MYOCD: variants seen among roughly 807,000 people sequenced by gnomAD.
The protein encoded by MYOCD is myocardin.
In MYOCD, 32 loss-of-function variants were observed where a neutral mutation model predicts 96.1. That is an observed-to-expected ratio of 0.33 (90% CI 0.25 to 0.45). MYOCD has a LOEUF of 0.45. Among genes scored for constraint, MYOCD ranks in the 20% least tolerant of loss-of-function variants. The probability of loss-of-function intolerance (pLI) is 1.00; values close to 1 mark genes in which losing one functional copy is unlikely to be tolerated. For missense variants in MYOCD, 1,133 were observed against 1,200.6 expected, an observed-to-expected ratio of 0.94 and a Z score of 0.83; for synonymous variants, 469 against 469.0, an observed-to-expected ratio of 1.00 and a Z score of 0.00.
At chr17:12,746,920 G>T (rs1201900502) in intron 9 of MYOCD, among the ~76,000 whole-genome samples, 1 of 151,952 alleles carries the variant, frequency 6.6e-6, no homozygotes, top group East Asian at 1.9e-4. Context: ...GTAGAGACAG[G>T]GTTTCACCAG....
chr17:12,754,345 G>A (rs945159546), intron 10 of MYOCD, among the ~76,000 whole-genome samples: 6 of 152,230 alleles, frequency 3.9e-5, no homozygotes, highest in Admixed American at 6.5e-5. Flanking sequence ...CTCGTGATCC[G>A]CCCGCCTTGG....
intron 9 of MYOCD, among the ~76,000 whole-genome samples, chr17:12,747,405 A>G (rs1448467220): frequency 6.6e-6 from 1 of 152,144 alleles, no homozygotes. Context: ...GTGAAGGGAC[A>G]GTGGCAAGTT....
chr17:12,756,695 C>CAACAAAAAAAAA (rs2033022468), intron 11 of MYOCD, 138 bp downstream of exon 11: 1 of 134,326 alleles, frequency 7.4e-6, no homozygotes, highest in Non-Finnish European at 1.3e-5. Context: ...GACTGCATCT[C>CAACAAAAAAAAA]AAAAAAAAAA....
At chr17:12,666,836 T>C (rs981441405) in intron 1 of MYOCD, among the ~76,000 whole-genome samples, 15 of 152,302 alleles carry the variant, frequency 9.8e-5, no homozygotes, top group South Asian at 8.3e-4. Context: ...TCCCCCAAAA[T>C]TTCTGTGTTA....
At chr17:12,682,547 T>A (rs925573541) in intron 1 of MYOCD, among the ~76,000 whole-genome samples, 1 of 152,188 alleles carries the variant, frequency 6.6e-6, no homozygotes, top group African/African-American at 2.4e-5. Context: ...AAAGACTAAA[T>A]TATAAACAGG....
chr17:12,732,628 C>T (rs1054697621), intron 5 of MYOCD, among the ~76,000 whole-genome samples: 1 of 152,190 alleles, frequency 6.6e-6, no homozygotes, highest in Non-Finnish European at 1.5e-5. Flanking sequence ...TGTCTCTGCT[C>T]CTCTTAAAAT....
intron 1 of MYOCD, among the ~76,000 whole-genome samples, chr17:12,682,357 A>G (rs566764819): frequency 2.7e-3 from 412 of 152,322 alleles, no homozygotes; most frequent in Non-Finnish European, 4.6e-3. Context: ...GGAGACCAGA[A>G]GCCTCTGATG....
chr17:12,678,313 CAA>C (rs34341177), intron 1 of MYOCD, among the ~76,000 whole-genome samples: 46 of 147,936 alleles, frequency 3.1e-4, no homozygotes, highest in African/African-American at 6.4e-4. Context: ...CTTTTCCTTT[CAA>C]AAAAAAAAAA....
rs756163272 is a variant in MYOCD at position 12,736,208 on chromosome 17, G to A, written c.463G>A (p.Glu155Lys). Residue 155 changes from glutamate (E) to lysine (K), a missense_variant, in exon 6 of 14, where the codon GAG (glutamate) becomes AAG (lysine). Glu to Lys is a moderately conservative substitution (Grantham distance 56, BLOSUM62 1). Transcript: ENST00000425538. ...ATCCACGGATGCTTTTGCCTTTGAA[G>A]AGGACAGCAGCAGCGATGGGCTTTC... ...SKSTDAFAFE[E>K]DSSSDGLSPD... 53 of 1,614,014 alleles carry A rather than the reference G, an allele frequency of 3.3e-5. No homozygotes were observed. The highest frequency in any genetic ancestry group is 4.3e-5 in the Non-Finnish European group (51 of 1,180,026).
At position 12,764,389 on chromosome 17, in the gene MYOCD, A is replaced by C; in HGVS notation, c.*745A>C. ...CATTCCCACCATCTCTGTGCTGATA[A>C]GTACGTGTCCTAGATGAGAACCCTG... On this transcript the variant is annotated 3_prime_UTR_variant, in exon 14 of 14. Coordinates refer to ENST00000425538, the MANE Select transcript of MYOCD (RefSeq NM_001146312.3). The C allele has an allele frequency of 6.6e-6, 1 of 152,422 alleles. No individual in the cohort carries two copies. Among genetic ancestry groups the C allele is most frequent in the East Asian group, 1.9e-4 (1 of 5,190 alleles). 9.4% of individuals were successfully genotyped at this position (152,422 alleles called of 1,614,324 possible). A position where few individuals can be genotyped will look rare whatever the true frequency, so the allele number is the denominator to read the frequency against.
chr17:12,714,362 C>CACACACACACACACACACACACACACA (rs1597772908), intron 2 of MYOCD, among the ~76,000 whole-genome samples: 1 of 147,642 alleles, frequency 6.8e-6, no homozygotes, highest in African/African-American at 2.5e-5. Context: ...CACACACACA[C>CACACACACACACACACACACACACACA]CCCGATCTGG....
rs541869349 is a variant in MYOCD, at chr17:12,722,886, A to T, written c.293A>T (p.Lys98Met). The stretch of plus-strand genomic sequence containing the variant: ...AGGTCCATTCCAACTGCTCAGATGA[A>T]GCTGAAAAGAGCCCGACTCGCCGAT... ...AERSIPTAQM[K>M]LKRARLADDL... The change falls in exon 5 of 14, where the codon AAG (lysine) becomes ATG (methionine). Residue 98 changes from lysine to methionine, a missense_variant. Transcript: ENST00000425538. The T allele has an allele frequency of 1.9e-6, 3 of 1,614,004 alleles. No homozygotes were observed. The African/African-American group carries it at 4.0e-5, about 22-fold the overall frequency.
intron 1 of MYOCD, among the ~76,000 whole-genome samples, chr17:12,676,502 T>A (rs12150222): frequency 0.11 from 16,968 of 152,140 alleles, 1,718 homozygotes; most frequent in African/African-American, 0.27. Flanking sequence ...TTTCTTATAT[T>A]CTTGATTACA....
intron 1 of MYOCD, among the ~76,000 whole-genome samples, chr17:12,683,140 A>G (rs1403551680): frequency 6.6e-6 from 1 of 152,152 alleles, no homozygotes; most frequent in Non-Finnish European, 1.5e-5. Flanking sequence ...TTCCCAATTC[A>G]TGTGGGTGAA....
intron 9 of MYOCD, among the ~76,000 whole-genome samples, chr17:12,752,120 G>A (rs1465647214): frequency 2.6e-5 from 4 of 152,130 alleles, no homozygotes; most frequent in South Asian, 2.1e-4. Context: ...GACACAGATC[G>A]CCATGAGGGA....
chr17:12,718,216 A>G lies in MYOCD; in HGVS notation c.253+795A>G, dbSNP rs370344015. ...TTGTGCCCTCAGAGGGTCTCACAGT[A>G]TAACAGAGGACACGAGAATCACATT... On this transcript the variant is annotated intron_variant, in intron 4 of 13. Transcript: ENST00000425538. Among the ~76,000 whole-genome samples the G allele has an allele frequency of 3.9e-5, 6 of 152,348 alleles. No individual in the cohort carries two copies. The East Asian group carries it at 9.6e-4, about 24-fold the overall frequency.
chr17:12,760,752 A>C (rs559617424), intron 13 of MYOCD, 45 bp downstream of exon 13: 1 of 1,511,296 alleles, frequency 6.6e-7, no homozygotes. Flanking sequence ...CTGAGCCCAC[A>C]TGAACTCTAA....
intron 1 of MYOCD, among the ~76,000 whole-genome samples, chr17:12,681,682 AAG>A (rs1408026001): frequency 2.6e-5 from 4 of 152,098 alleles, no homozygotes; most frequent in Admixed American, 6.5e-5. Flanking sequence ...AGGATGAAGA[AAG>A]AACAGTGTGT....
Position 12,719,174 on chromosome 17 carries a change from CAAAAAAAAAAAAAA to C in MYOCD, c.253+1770_253+1783del, listed in dbSNP as rs71144920. Reference sequence around the variant, plus strand: ...GGGGCCACAGAGGGAGACTCTGTCTCAAAAAAAAAAAAAAAAAAAAAAAAAAAAAAGACATACAG... The same window carrying C: ...GGGGCCACAGAGGGAGACTCTGTCTCAAAAAAAAAAAAAAAAGACATACAG... On this transcript the variant is annotated intron_variant, in intron 4 of 13. Transcript: ENST00000425538. Among the ~76,000 whole-genome samples the C allele has an allele frequency of 7.9e-4, 39 of 49,160 alleles. No individual in the cohort carries two copies. The South Asian group carries it at 0.019, about 23-fold the overall frequency. The allele number at this position is 49,160 out of a possible 152,430, so 32.3% of individuals were successfully genotyped here.
Sources: allele counts gnomAD v4.1 joint callset (sites outside exome capture counted in the v4.1 genomes callset), GRCh38; gene constraint gnomAD v4.1.1; transcripts MANE v1.5; gene names NCBI Gene and HGNC (gene_info 2026-07-23, HGNC 2026-07-21).